Variants in SGCZ observed in about 807,000 individuals in gnomAD.
SGCZ encodes the protein sarcoglycan zeta.
In SGCZ, 40 loss-of-function variants were observed where a neutral mutation model predicts 41.3. The observed-to-expected ratio is 0.97, with a 90% CI of 0.75 to 1.26. The LOEUF (loss-of-function observed/expected upper bound fraction) is 1.26, where lower values mean the gene tolerates loss of function less well. Ranked by LOEUF, SGCZ falls within the 50% of genes most tolerant of loss-of-function variation. SGCZ has a pLI of 0.00. For missense variants in SGCZ, 552 were observed against 369.8 expected (o/e 1.49, Z -4.04); for synonymous variants, 206 against 137.5 (o/e 1.50, Z -3.49).
chr8:14,946,243 A>G (rs542008182), intron 1 of SGCZ, among the ~76,000 whole-genome samples: 18 of 151,008 alleles, frequency 1.2e-4, no homozygotes, highest in Admixed American at 1.1e-3. Context: ...ACAGTGGTCA[A>G]TATAGTCAAG....
At chr8:15,002,802 A>C (rs1040782626) in intron 1 of SGCZ, among the ~76,000 whole-genome samples, 1 of 152,168 alleles carries the variant, frequency 6.6e-6, no homozygotes, top group Non-Finnish European at 1.5e-5. Context: ...ATGCCAGCTG[A>C]TATGATTTGG....
At chr8:14,952,032 G>A (rs746318282) in intron 1 of SGCZ, among the ~76,000 whole-genome samples, 20 of 152,008 alleles carry the variant, frequency 1.3e-4, no homozygotes, top group Admixed American at 2.6e-4. Context: ...CTCACCTGGT[G>A]TTCACTCTGC....
intron 1 of SGCZ, among the ~76,000 whole-genome samples, chr8:15,127,367 A>G (rs1807743171): frequency 2.0e-5 from 3 of 152,164 alleles, no homozygotes; most frequent in Admixed American, 6.5e-5. Flanking sequence ...CAGCAGAGCA[A>G]TCTTGTGAAA....
intron 2 of SGCZ, among the ~76,000 whole-genome samples, chr8:14,388,670 T>C (rs914700532): frequency 3.3e-5 from 5 of 151,950 alleles, no homozygotes; most frequent in African/African-American, 1.2e-4. Flanking sequence ...ATTTTAGCTT[T>C]CCAAAGTCAA....
At chr8:14,230,597 T>G (rs1340144362) in intron 4 of SGCZ, among the ~76,000 whole-genome samples, 1 of 152,080 alleles carries the variant, frequency 6.6e-6, no homozygotes, top group African/African-American at 2.4e-5. Context: ...TCTGAAGATA[T>G]CATGATTTCC....
intron 1 of SGCZ, among the ~76,000 whole-genome samples, chr8:15,038,180 G>A (rs981525987): frequency 3.9e-5 from 6 of 151,986 alleles, no homozygotes; most frequent in Admixed American, 6.6e-5. Context: ...AAATCTGAAG[G>A]TATTACACTG....
intron 6 of SGCZ, among the ~76,000 whole-genome samples, chr8:14,105,523 G>T (rs569759201): frequency 1.3e-5 from 2 of 151,952 alleles, no homozygotes; most frequent in Non-Finnish European, 2.9e-5. Context: ...TGTCAGCAAG[G>T]CTTGTAAAGT....
At position 14,378,461 on chromosome 8, in the gene SGCZ, G is replaced by A. The variant is rs375062717; in HGVS notation, c.235-54257C>T. The stretch of plus-strand genomic sequence containing the variant: ...AATTAAACTTAAGAGCTTCTGTACA[G>A]CAAAAGAAACTACCATCAGAGTAAA... On this transcript the variant is annotated intron_variant, in intron 2 of 7. Coordinates refer to ENST00000382080, the MANE Select transcript of SGCZ (RefSeq NM_139167.4). 2.2e-4 allele frequency among the ~76,000 whole-genome samples: 33 copies of A among 152,242 alleles called. No individual in the cohort carries two copies. In the East Asian group the frequency reaches 5.4e-3, roughly 25 times the overall value.
rs535441870 is a variant in SGCZ, at chr8:15,168,692, C to A, written c.39+68893G>T. 1.6e-4 allele frequency among the ~76,000 whole-genome samples: 24 copies of A among 152,304 alleles called. No homozygotes were observed. In the South Asian group the frequency reaches 5.0e-3, roughly 32 times the overall value. On this transcript the variant is annotated intron_variant, in intron 1 of 7. Transcript: ENST00000382080. ...ATTCATCTTCAGTCTGTACCCATTT[C>A]GAATGCATCCTGAACCCCTGGGACT...
intron 1 of SGCZ, among the ~76,000 whole-genome samples, chr8:14,785,595 C>T (rs1166060862): frequency 4.6e-5 from 7 of 152,136 alleles, no homozygotes; most frequent in Non-Finnish European, 8.8e-5. Flanking sequence ...CTGACCCCAG[C>T]ATGTGGATCT....
chr8:14,441,212 C>T (rs889213398), intron 2 of SGCZ, among the ~76,000 whole-genome samples: 5 of 152,044 alleles, frequency 3.3e-5, no homozygotes, highest in Non-Finnish European at 7.4e-5. Flanking sequence ...AAATCATCTC[C>T]CAAATTACAG....
intron 2 of SGCZ, among the ~76,000 whole-genome samples, chr8:14,343,158 C>G (rs1380427242): frequency 1.3e-5 from 2 of 152,238 alleles, no homozygotes; most frequent in Admixed American, 1.3e-4. Context: ...TATGGAAACA[C>G]TTGGATGCCC....
At position 15,194,851 on chromosome 8, in the gene SGCZ, T is replaced by C. The variant is rs116589429; in HGVS notation, c.39+42734A>G. On this transcript the variant is annotated intron_variant, in intron 1 of 7. Coordinates refer to ENST00000382080, the MANE Select transcript of SGCZ (RefSeq NM_139167.4). ...ATTCTGGACTTCTGACCTCCCAACCTATAAGGTAAGTTTGTGTTGTTTTAA... is the reference window on the plus strand; with the variant it reads ...ATTCTGGACTTCTGACCTCCCAACCCATAAGGTAAGTTTGTGTTGTTTTAA... Among the ~76,000 whole-genome samples the C allele has an allele frequency of 3.0e-3, 452 of 152,284 alleles. 1 individual carries two copies. The highest frequency in any genetic ancestry group is 0.011 in the African/African-American group (439 of 41,572).
chr8:14,324,298 C>T, intron 2 of SGCZ, 94 bp from the exon 3 acceptor site: 1 of 841,492 alleles, frequency 1.2e-6, no homozygotes. Context: ...AAACAGTGAG[C>T]TCAAATCAGT....
At chr8:14,375,463 G>C (rs572109416) in intron 2 of SGCZ, among the ~76,000 whole-genome samples, 15 of 152,228 alleles carry the variant, frequency 9.9e-5, no homozygotes, top group Admixed American at 9.2e-4. Context: ...TATCTATTTA[G>C]ATCTTTATAA....
At chr8:15,208,421 C>A (rs926063042) in intron 1 of SGCZ, among the ~76,000 whole-genome samples, 1 of 152,180 alleles carries the variant, frequency 6.6e-6, no homozygotes, top group African/African-American at 2.4e-5. Flanking sequence ...CAGTTCCCAC[C>A]TCATAGAGTG....
At chr8:14,191,403 G>A (rs941660751) in intron 4 of SGCZ, among the ~76,000 whole-genome samples, 2 of 152,118 alleles carry the variant, frequency 1.3e-5, no homozygotes, top group South Asian at 4.1e-4. Context: ...AAAAATCACT[G>A]CCAAGGTTAA....
chr8:14,095,147 A>G (rs1052040395), intron 7 of SGCZ, among the ~76,000 whole-genome samples: 1 of 152,156 alleles, frequency 6.6e-6, no homozygotes, highest in Non-Finnish European at 1.5e-5. Context: ...CTATTTGTCA[A>G]TACTGGCTTC....
chr8:14,267,999 T>C (rs998968382), intron 3 of SGCZ, among the ~76,000 whole-genome samples: 6 of 151,858 alleles, frequency 4.0e-5, no homozygotes, highest in African/African-American at 1.2e-4. Context: ...AATTATCATG[T>C]ACTTATATAT....
Sources: gnomAD v4.1 joint callset for allele counts (sites outside exome capture counted in the v4.1 genomes callset) on GRCh38, gnomAD v4.1.1 for gene constraint, MANE v1.5 for transcripts, NCBI Gene and HGNC (gene_info 2026-07-23, HGNC 2026-07-21) for gene names.